CNGB1: variants seen among roughly 807,000 people sequenced by gnomAD.
The protein encoded by CNGB1 is cyclic nucleotide-gated channel beta-1.
A neutral mutation model predicts 151.7 loss-of-function variants in CNGB1; 126 were observed. The observed-to-expected ratio is 0.83, with a 90% CI of 0.72 to 0.96. The LOEUF (loss-of-function observed/expected upper bound fraction) is 0.96, where lower values mean the gene tolerates loss of function less well. Among genes scored for constraint, CNGB1 ranks in the 40% least tolerant of loss-of-function variants. CNGB1 has a pLI of 0.00. For missense variants in CNGB1, 1,698 were observed against 1,627.0 expected, an observed-to-expected ratio of 1.04 and a Z score of -0.75; for synonymous variants, 623 against 635.1, an observed-to-expected ratio of 0.98 and a Z score of 0.29.
intron 29 of CNGB1, 70 bp from the exon 30 acceptor site, chr16:57,897,984 T>C: frequency 1.3e-6 from 2 of 1,535,692 alleles, no homozygotes; most frequent in Non-Finnish European, 1.8e-6. Context: ...CAGGGCTGGA[T>C]CCAGAGGCTG....
chr16:57,892,172 G>C (rs574337526), intron 31 of CNGB1, among the ~76,000 whole-genome samples: 1 of 152,098 alleles, frequency 6.6e-6, no homozygotes, highest in Non-Finnish European at 1.5e-5. Flanking sequence ...GGACTTCAGC[G>C]GGGAGCGTGC....
At chr16:57,949,010 C>A (rs1394372721) in intron 14 of CNGB1, among the ~76,000 whole-genome samples, 2 of 152,130 alleles carry the variant, frequency 1.3e-5, no homozygotes, top group African/African-American at 2.4e-5. Flanking sequence ...TATGTCCATG[C>A]AGACAACTAA....
chr16:57,923,454 C>T, intron 17 of CNGB1, 74 bp from the exon 18 acceptor site: 2 of 1,241,164 alleles, frequency 1.6e-6, no homozygotes, highest in East Asian at 2.4e-5. Flanking sequence ...TGACTTTGAT[C>T]CCTAAAGATC....
chr16:57,924,479 G>C (rs1476378773), intron 17 of CNGB1, among the ~76,000 whole-genome samples: 2 of 152,168 alleles, frequency 1.3e-5, no homozygotes, highest in Admixed American at 1.3e-4. Flanking sequence ...GGAGAAGAAT[G>C]GTCATTATTA....
At chr16:57,919,476 G>A (rs2303784) in intron 19 of CNGB1, among the ~76,000 whole-genome samples, 12,942 of 152,200 alleles carry the variant, frequency 0.085, 1,213 homozygotes, top group African/African-American at 0.23. Flanking sequence ...CCACCCAGAA[G>A]TTCTTACCAA....
Position 57,957,366 on chromosome 16 carries a change from G to A in CNGB1, c.849C>T (p.Ser283=), listed in dbSNP as rs1182864297. Residue 283 remains serine (S), a synonymous_variant, in exon 12 of 33, where the codon TCC becomes TCT. Coordinates refer to ENST00000251102, the MANE Select transcript of CNGB1 (RefSeq NM_001297.5). ...TGGTCTGCACATCACATATCCCAGG[G>A]GAGTCAGGCTCCTGCATGGAGAGAG... The part of the protein sequence containing the change: ...HGKIGEQEPD[S]PGICDVQTIS... 3.1e-6 allele frequency: 5 copies of A among 1,613,808 alleles called. No homozygotes were observed. Among genetic ancestry groups the A allele is most frequent in the Non-Finnish European group, 4.2e-6 (5 of 1,179,916 alleles).
chr16:57,956,894 G>T (rs1218440107), intron 12 of CNGB1, among the ~76,000 whole-genome samples: 1 of 152,186 alleles, frequency 6.6e-6, no homozygotes, highest in Non-Finnish European at 1.5e-5. Flanking sequence ...CCCAGCTGCA[G>T]GTGACAGGGA....
At chr16:57,904,929 C>T (rs1960504795) in intron 25 of CNGB1, 54 bp from the exon 26 acceptor site, 5 of 1,611,482 alleles carry the variant, frequency 3.1e-6, no homozygotes, top group East Asian at 2.2e-5. Context: ...ACTCTGCCGC[C>T]CCGAGCAGTC....
chr16:57,911,446 G>A (rs1280007929), intron 25 of CNGB1, among the ~76,000 whole-genome samples: 1 of 151,924 alleles, frequency 6.6e-6, no homozygotes, highest in Admixed American at 6.5e-5. Context: ...GCATCACCAC[G>A]CCCAGCTAAG....
At chr16:57,947,833 C>T (rs1218769340) in intron 14 of CNGB1, among the ~76,000 whole-genome samples, 1 of 152,194 alleles carries the variant, frequency 6.6e-6, no homozygotes, top group African/African-American at 2.4e-5. Flanking sequence ...CCATCATCAC[C>T]GCTGGCCCTG....
intron 16 of CNGB1, among the ~76,000 whole-genome samples, chr16:57,932,297 C>T (rs112691385): frequency 1.3e-5 from 2 of 152,306 alleles, no homozygotes; most frequent in African/African-American, 4.8e-5. Context: ...AGCTGCTTCC[C>T]CTCTCTGAGC....
At position 57,883,041 on chromosome 16, in the gene CNGB1, A is replaced by G. The variant is rs1567358074; in HGVS notation, c.*1123T>C. On this transcript the variant is annotated 3_prime_UTR_variant, in exon 33 of 33. Transcript: ENST00000251102. Reference sequence around the variant, plus strand: ...GGGCTGTTCCTCCTGGCAGAGGCAGAAACGCTAGCAGCTCCTGGCCAGTAA... The same window carrying G: ...GGGCTGTTCCTCCTGGCAGAGGCAGGAACGCTAGCAGCTCCTGGCCAGTAA... 1 of 152,220 alleles carries G rather than the reference A, an allele frequency of 6.6e-6. No individual in the cohort carries two copies. The highest frequency in any genetic ancestry group is 1.5e-5 in the Non-Finnish European group (1 of 68,058). The allele number at this position is 152,220 out of a possible 1,614,324, so 9.4% of individuals were successfully genotyped here. A position where few individuals can be genotyped will look rare whatever the true frequency, so the allele number is the denominator to read the frequency against.
chr16:57,965,123 TACTC>T (rs36194426), intron 2 of CNGB1, among the ~76,000 whole-genome samples: 114,445 of 151,810 alleles, frequency 0.75, 44,187 homozygotes, highest in East Asian at 0.84. Context: ...AATGTGTGCA[TACTC>T]ACTCTCATGC....
Position 57,911,747 on chromosome 16 carries a change from G to A in CNGB1, c.2492+6C>T. 6.2e-7 allele frequency: 1 copy of A among 1,613,782 alleles called. No individual in the cohort carries two copies. Reference sequence around the variant, plus strand: ...GCATGGCCCCAGGGGGAGGACTGTGGCTCACCTGTTTCCCACGCCATCGTA... The same window carrying A: ...GCATGGCCCCAGGGGGAGGACTGTGACTCACCTGTTTCCCACGCCATCGTA... On this transcript the variant is annotated splice_donor_region_variant and intron_variant, in intron 25 of 32. Transcript: ENST00000251102.
intron 10 of CNGB1, among the ~76,000 whole-genome samples, chr16:57,958,782 C>T (rs1158393912): frequency 1.3e-5 from 2 of 151,366 alleles, no homozygotes; most frequent in African/African-American, 2.4e-5. Context: ...ATACCTGTCC[C>T]GATTTCCTTC....
chr16:57,949,361 C>A lies in CNGB1; in HGVS notation c.1113G>T (p.Glu371Asp). The A allele has an allele frequency of 6.2e-7, 1 of 1,610,938 alleles. No homozygotes were observed. Among genetic ancestry groups the A allele is most frequent in the Non-Finnish European group, 8.5e-7 (1 of 1,179,958 alleles). ...EEEEEEEEEE[E>D]VTEVLLDSCV... ...GTGAGCAAATGACTTACTCAGTCAC[C>A]TCCTCCTCTTCCTCCTCCTCCTCCT... Residue 371 changes from glutamate (E) to aspartate (D), a missense_variant, in exon 14 of 33, where the codon GAG (glutamate) becomes GAT (aspartate). Coordinates refer to ENST00000251102, the MANE Select transcript of CNGB1 (RefSeq NM_001297.5).
rs1213310804 is a variant in CNGB1, at chr16:57,904,866, G to A, written c.2502C>T (p.Arg834=). ...VYDGVGNSYI[R]CYYFAVKTLI... ...GGGTCTTCACAGCAAAGTAGTAACA[G>A]CGAATATAACTGGAGAGAGAGGAGA... is the stretch of plus-strand genomic sequence containing the variant. Residue 834 remains arginine, a synonymous_variant, in exon 26 of 33, where the codon CGC becomes CGT. Coordinates refer to ENST00000251102, the MANE Select transcript of CNGB1 (RefSeq NM_001297.5). 6.2e-7 allele frequency: 1 copy of A among 1,614,182 alleles called. No homozygotes were observed. The highest frequency in any genetic ancestry group is 8.5e-7 in the Non-Finnish European group (1 of 1,180,030).
At position 57,897,783 on chromosome 16, in the gene CNGB1, A is replaced by G; in HGVS notation, c.3095+13T>C. The stretch of plus-strand genomic sequence containing the variant: ...TGCCCCAGGCCCCTCACTTTACCCC[A>G]GCTGCGTCTGACCTTATTTCTCCAA... On this transcript the variant is annotated intron_variant, in intron 30 of 32. Transcript: ENST00000251102. 1 of 1,613,168 alleles carries G rather than the reference A, an allele frequency of 6.2e-7. No individual in the cohort carries two copies. Among genetic ancestry groups the G allele is most frequent in the Non-Finnish European group, 8.5e-7 (1 of 1,179,266 alleles).
At chr16:57,884,497 C>G (rs370430446) in intron 32 of CNGB1, 40 bp from the exon 33 acceptor site, 304 of 1,611,630 alleles carry the variant, frequency 1.9e-4, no homozygotes, top group Non-Finnish European at 2.5e-4. Flanking sequence ...CACAGACTCT[C>G]GGAGGGGTCT....
Sources: gnomAD v4.1 joint callset for allele counts (sites outside exome capture counted in the v4.1 genomes callset) on GRCh38, gnomAD v4.1.1 for gene constraint, MANE v1.5 for transcripts, NCBI Gene and HGNC (gene_info 2026-07-23, HGNC 2026-07-21) for gene names.